Variants in ZNF100 observed in about 807,000 individuals in gnomAD.
ZNF100 encodes the protein zinc finger protein 100.
ZNF100 carries 12 observed loss-of-function variants against 15.8 expected under a neutral mutation model. The observed-to-expected ratio is 0.76, with a 90% CI of 0.49 to 1.23. ZNF100 has a LOEUF of 1.23. Among genes scored for constraint, ZNF100 ranks in the 50% most tolerant of loss-of-function variants. ZNF100 has a pLI of 0.00. For synonymous variants in ZNF100, 226 were observed against 214.8 expected, an observed-to-expected ratio of 1.05 and a Z score of -0.45; for missense variants, 670 against 635.6, an observed-to-expected ratio of 1.05 and a Z score of -0.58.
At chr19:21,737,430 G>C (rs949475302) in intron 4 of ZNF100, among the ~76,000 whole-genome samples, 6 of 151,728 alleles carry the variant, frequency 4.0e-5, no homozygotes, top group African/African-American at 1.5e-4. Flanking sequence ...ATCTACTCAG[G>C]CGGCCGAGGC....
At chr19:21,758,242 T>C (rs989898304) in intron 2 of ZNF100, among the ~76,000 whole-genome samples, 1 of 151,782 alleles carries the variant, frequency 6.6e-6, no homozygotes, top group African/African-American at 2.4e-5. Flanking sequence ...TAAGAACACA[T>C]GGACACGAGG....
At chr19:21,748,806 G>A (rs139218920) in intron 2 of ZNF100, among the ~76,000 whole-genome samples, 252 of 152,324 alleles carry the variant, frequency 1.7e-3, no homozygotes, top group African/African-American at 5.6e-3. Context: ...CTGGGTTCAA[G>A]TGATTCTCCT....
In ZNF100 at chr19:21,725,465, TAA is replaced by T. The variant is rs1027993213; in HGVS notation, c.*1216_*1217del. On this transcript the variant is annotated 3_prime_UTR_variant, in exon 5 of 5. Transcript: ENST00000358296. ...ATTGCTTAATATTATAAGTTAACCA[TAA>T]AAGTCTCTTCACTTAGATTTTCATC... The T allele has an allele frequency of 5.3e-5, 8 of 152,160 alleles. No homozygotes were observed. The highest frequency in any genetic ancestry group is 1.7e-4 in the African/African-American group (7 of 41,450). The allele number at this position is 152,160 out of a possible 1,614,324, so 9.4% of individuals were successfully genotyped here. A position where few individuals can be genotyped will look rare whatever the true frequency, so the allele number is the denominator to read the frequency against.
At chr19:21,756,343 T>A (rs34617884) in intron 2 of ZNF100, among the ~76,000 whole-genome samples, 14,194 of 152,134 alleles carry the variant, frequency 0.093, 883 homozygotes, top group South Asian at 0.18. Flanking sequence ...CTGTTCGACA[T>A]AGAATTGGTA....
intron 3 of ZNF100, among the ~76,000 whole-genome samples, chr19:21,744,725 C>G (rs1324086436): frequency 6.6e-6 from 1 of 152,042 alleles, no homozygotes; most frequent in African/African-American, 2.4e-5. Context: ...TACCACTAAT[C>G]TAGAGTGAAG....
chr19:21,735,978 C>T (rs552639799), intron 4 of ZNF100, among the ~76,000 whole-genome samples: 90 of 152,114 alleles, frequency 5.9e-4, no homozygotes, highest in Middle Eastern at 6.8e-3. Context: ...TTAGTAGAGA[C>T]GGGGTTTCAC....
In ZNF100 at chr19:21,726,655, G is replaced by A; in HGVS notation, c.*28C>T. ...TTTTTTTATGTTTAGTAAGAGTTGA[G>A]GACTGGTAAAAGGCTTTGCCACATT... On this transcript the variant is annotated 3_prime_UTR_variant, in exon 5 of 5. Transcript: ENST00000358296. The A allele has an allele frequency of 6.3e-7, 1 of 1,581,914 alleles. No individual in the cohort carries two copies. The highest frequency in any genetic ancestry group is 1.2e-5 in the South Asian group (1 of 85,676).
intron 2 of ZNF100, among the ~76,000 whole-genome samples, chr19:21,754,138 A>C (rs959225684): frequency 2.6e-5 from 4 of 152,170 alleles, no homozygotes; most frequent in Non-Finnish European, 5.9e-5. Context: ...CTACTATAGC[A>C]ATATTTCACA....
At chr19:21,760,510 A>AT (rs2036465261) in intron 2 of ZNF100, among the ~76,000 whole-genome samples, 1 of 151,870 alleles carries the variant, frequency 6.6e-6, no homozygotes, top group Non-Finnish European at 1.5e-5. Flanking sequence ...AAATAAAATA[A>AT]AATAATAATA....
At chr19:21,736,846 TGA>T (rs375736337) in intron 4 of ZNF100, among the ~76,000 whole-genome samples, 4 of 152,110 alleles carry the variant, frequency 2.6e-5, no homozygotes, top group African/African-American at 9.6e-5. Flanking sequence ...TTGAAACCAA[TGA>T]GAACAAAGAG....
intron 2 of ZNF100, among the ~76,000 whole-genome samples, chr19:21,757,354 C>T (rs1252736620): frequency 6.6e-6 from 1 of 152,204 alleles, no homozygotes; most frequent in Non-Finnish European, 1.5e-5. Flanking sequence ...ATGAGAAATG[C>T]TTCAACCCAT....
At chr19:21,742,433 G>T (rs1250909650) in intron 4 of ZNF100, among the ~76,000 whole-genome samples, 8 of 133,982 alleles carry the variant, frequency 6.0e-5, no homozygotes, top group Non-Finnish European at 1.2e-4. Context: ...GGCAGAGGTT[G>T]CAGTGAGCTG....
chr19:21,766,395 T>G (rs1568316164), intron 1 of ZNF100, among the ~76,000 whole-genome samples: 1 of 143,480 alleles, frequency 7.0e-6, no homozygotes, highest in Non-Finnish European at 1.5e-5. Flanking sequence ...CTGAGGTGTC[T>G]CTAGTCCCTG....
At chr19:21,732,027 C>T (rs897132839) in intron 4 of ZNF100, among the ~76,000 whole-genome samples, 7 of 152,184 alleles carry the variant, frequency 4.6e-5, no homozygotes, top group Middle Eastern at 3.4e-3. Context: ...CCAAGGTGGG[C>T]GGATCACAAG....
intron 4 of ZNF100, among the ~76,000 whole-genome samples, chr19:21,736,109 A>G (rs1381130920): frequency 1.3e-5 from 2 of 151,474 alleles, no homozygotes; most frequent in African/African-American, 4.9e-5. Context: ...TTTTTTTGAG[A>G]TGGAATCTCA....
chr19:21,745,950 G>C (rs1230620531), intron 2 of ZNF100, among the ~76,000 whole-genome samples: 1 of 152,166 alleles, frequency 6.6e-6, no homozygotes, highest in Non-Finnish European at 1.5e-5. Context: ...GTAAAACAAA[G>C]AGCCTTCATT....
chr19:21,743,535 A>T (rs1225692778), intron 4 of ZNF100, among the ~76,000 whole-genome samples: 1 of 152,228 alleles, frequency 6.6e-6, no homozygotes, highest in African/African-American at 2.4e-5. Flanking sequence ...TATTTCAAGA[A>T]TATAGTAATA....
Position 21,727,273 on chromosome 19 carries a change from A to G in ZNF100, c.1039T>C (p.Cys347Arg). 1 of 1,613,616 alleles carries G rather than the reference A, an allele frequency of 6.2e-7. No individual in the cohort carries two copies. Among genetic ancestry groups the G allele is most frequent in the Middle Eastern group, 1.6e-4 (1 of 6,062 alleles). ...TTAAAGGCTTTGCCACATTCTTCAC[A>G]TTTGTAGGGTTTCTCTCCAGTATGA... Reference protein sequence around the residue: ...IIHTGEKPYKCEECGKAFNQS... With the variant: ...IIHTGEKPYKREECGKAFNQS... Residue 347 changes from cysteine to arginine, a missense_variant, in exon 5 of 5, where the codon TGT becomes CGT. Physicochemically the swap from Cys to Arg is radical, Grantham distance 180 (BLOSUM62 -3). Transcript: ENST00000358296.
chr19:21,752,562 G>A (rs1326006572), intron 2 of ZNF100: 1 of 38,644 alleles, frequency 2.6e-5, no homozygotes, highest in Admixed American at 2.9e-4. Context: ...CATAAACAAA[G>A]GAAGTATCAG....
Sources: gnomAD v4.1 joint callset for allele counts (sites outside exome capture counted in the v4.1 genomes callset) on GRCh38, gnomAD v4.1.1 for gene constraint, MANE v1.5 for transcripts, NCBI Gene and HGNC (gene_info 2026-07-23, HGNC 2026-07-21) for gene names.